SRGAP2: variants seen among roughly 807,000 people sequenced by gnomAD.
SRGAP2 encodes SLIT-ROBO Rho GTPase-activating protein 2.
In SRGAP2, 15 loss-of-function variants were observed where a neutral mutation model predicts 57.2. That is an observed-to-expected ratio of 0.26 (90% CI 0.18 to 0.40). The LOEUF is 0.40. Among genes scored for constraint, SRGAP2 ranks in the 10% least tolerant of loss-of-function variants. The pLI, the probability that SRGAP2 is intolerant of heterozygous loss-of-function variation, is 1.00. For synonymous variants in SRGAP2, 249 were observed against 248.0 expected, an observed-to-expected ratio of 1.00 and a Z score of -0.04; for missense variants, 520 against 669.6, an observed-to-expected ratio of 0.78 and a Z score of 2.47.
intron 4 of SRGAP2, among the ~76,000 whole-genome samples, chr1:206,366,334 A>C (rs1174716371): frequency 6.6e-6 from 1 of 152,252 alleles, no homozygotes; most frequent in Non-Finnish European, 1.5e-5. Context: ...CTAGAAGGAC[A>C]TCTTGATTAA....
At chr1:206,365,358 G>T (rs1236814231) in intron 4 of SRGAP2, among the ~76,000 whole-genome samples, 10 of 152,046 alleles carry the variant, frequency 6.6e-5, no homozygotes, top group Non-Finnish European at 1.0e-4. Context: ...GCCCTTGTGG[G>T]TCATGAAACA....
intron 16 of SRGAP2, among the ~76,000 whole-genome samples, chr1:206,438,726 A>G (rs1050890544): frequency 3.9e-5 from 6 of 152,206 alleles, no homozygotes; most frequent in South Asian, 2.1e-4. Context: ...AAAACAATCA[A>G]TGGAAACTTG....
chr1:206,255,321 G>A (rs1553312079), intron 2 of SRGAP2, among the ~76,000 whole-genome samples: 3 of 148,868 alleles, frequency 2.0e-5, no homozygotes, highest in Non-Finnish European at 1.5e-5. Context: ...TTGACACAGT[G>A]TGTACCTGGC....
rs1242166778 is a variant in SRGAP2 at position 206,267,008 on chromosome 1, G to A, written c.68-36273G>A. ...TTTTGAGACGGAGTCTTGCTCTGTC[G>A]CCCAGGCTGGAGTGCAGTGGCGCAA... On this transcript the variant is annotated intron_variant, in intron 2 of 22. Coordinates refer to ENST00000573034, the MANE Select transcript of SRGAP2 (RefSeq NM_015326.5). Among the ~76,000 whole-genome samples the A allele has an allele frequency of 5.3e-3, 648 of 121,498 alleles. 2 individuals are homozygous for A. Among genetic ancestry groups the A allele is most frequent in the Non-Finnish European group, 8.1e-3 (503 of 62,156 alleles). The allele number at this position is 121,498 out of a possible 152,430, so 79.7% of individuals were successfully genotyped here.
chr1:206,276,591 T>C (rs1487579610), intron 2 of SRGAP2, among the ~76,000 whole-genome samples: 233 of 151,712 alleles, frequency 1.5e-3, no homozygotes, highest in African/African-American at 5.4e-3. Context: ...GGCATATGGA[T>C]TATGACCAGA....
intron 2 of SRGAP2, among the ~76,000 whole-genome samples, chr1:206,241,642 G>A (rs1359757129): frequency 4.6e-5 from 7 of 151,886 alleles, no homozygotes; most frequent in Admixed American, 4.6e-4. Flanking sequence ...TGGTGCTTGG[G>A]TCAGTGTCTC....
chr1:206,373,901 T>C (rs2103034211), intron 4 of SRGAP2, among the ~76,000 whole-genome samples: 1 of 151,378 alleles, frequency 6.6e-6, no homozygotes, highest in South Asian at 2.1e-4. Flanking sequence ...TCTCAGTGAA[T>C]GATTAAACAA....
In SRGAP2 at chr1:206,444,684, C is replaced by T. The variant is rs79672629; in HGVS notation, c.1875-1391C>T. Among the ~76,000 whole-genome samples the T allele has an allele frequency of 7.9e-3, 1,203 of 152,282 alleles. 9 individuals are homozygous for T. Among genetic ancestry groups the T allele is most frequent in the African/African-American group, 0.027 (1,124 of 41,534 alleles). On this transcript the variant is annotated intron_variant, in intron 17 of 22. Transcript: ENST00000573034. The stretch of plus-strand genomic sequence containing the variant: ...CTGTCCCTCCCCAGTTTTAATTTGA[C>T]TAGGAAGTAGACTTAGAAACTTCCC...
chr1:206,378,686 GGA>G (rs1655438553), intron 4 of SRGAP2, among the ~76,000 whole-genome samples: 8 of 152,158 alleles, frequency 5.3e-5, no homozygotes, highest in African/African-American at 7.2e-5. Context: ...TCTAGCTAAA[GGA>G]TTGTAAAGGC....
chr1:206,404,704 C>G (rs563390307), intron 8 of SRGAP2, among the ~76,000 whole-genome samples: 2 of 152,346 alleles, frequency 1.3e-5, no homozygotes, highest in African/African-American at 4.8e-5. Flanking sequence ...AGATTCCATA[C>G]CCCCTCGGGC....
intron 5 of SRGAP2, among the ~76,000 whole-genome samples, chr1:206,384,352 G>T (rs1188542410): frequency 6.6e-6 from 1 of 151,968 alleles, no homozygotes; most frequent in Non-Finnish European, 1.5e-5. Context: ...CCAAAGTCTA[G>T]GTCATTGGCA....
chr1:206,231,538 T>C (rs1667637275), intron 2 of SRGAP2, among the ~76,000 whole-genome samples: 1 of 150,756 alleles, frequency 6.6e-6, no homozygotes, highest in South Asian at 2.1e-4. Flanking sequence ...ATTAGTTTTC[T>C]AATTTTTTTT....
chr1:206,435,305 C>T (rs547883566), intron 14 of SRGAP2, among the ~76,000 whole-genome samples: 4 of 152,314 alleles, frequency 2.6e-5, no homozygotes, highest in Admixed American at 2.0e-4. Flanking sequence ...CAAAATGTAG[C>T]ATTAGTCCAT....
At position 206,338,090 on chromosome 1, in the gene SRGAP2, G is replaced by A. The variant is rs531300304; in HGVS notation, c.261-4756G>A. On this transcript the variant is annotated intron_variant, in intron 3 of 22. Coordinates refer to ENST00000573034, the MANE Select transcript of SRGAP2 (RefSeq NM_015326.5). Reference sequence around the variant, plus strand: ...GTACAGGCAGCATGTGACTTTCCGGGTCTCCTTTCGACTCCAGAGTCATTC... The same window carrying A: ...GTACAGGCAGCATGTGACTTTCCGGATCTCCTTTCGACTCCAGAGTCATTC... 5.5e-3 allele frequency among the ~76,000 whole-genome samples: 764 copies of A among 137,798 alleles called. 6 individuals carry two copies. The highest frequency in any genetic ancestry group is 0.019 in the African/African-American group (715 of 36,860). The allele number at this position is 137,798 out of a possible 152,430, so 90.4% of individuals were successfully genotyped here.
chr1:206,319,825 G>A (rs1362988047), intron 3 of SRGAP2, among the ~76,000 whole-genome samples: 1 of 142,430 alleles, frequency 7.0e-6, no homozygotes, highest in Admixed American at 6.8e-5. Flanking sequence ...TTTGTTTTTT[G>A]CGATGGAGTC....
At chr1:206,422,726 T>C (rs1660425735) in intron 13 of SRGAP2, among the ~76,000 whole-genome samples, 1 of 152,218 alleles carries the variant, frequency 6.6e-6, no homozygotes, top group Non-Finnish European at 1.5e-5. Flanking sequence ...GTGCCCTTGG[T>C]TGGGCTCACT....
chr1:206,267,848 G>A (rs1553315002), intron 2 of SRGAP2, among the ~76,000 whole-genome samples: 1 of 150,696 alleles, frequency 6.6e-6, no homozygotes, highest in African/African-American at 2.4e-5. Context: ...TTTAGTGGAT[G>A]GGTTTTATGC....
intron 3 of SRGAP2, among the ~76,000 whole-genome samples, chr1:206,327,970 A>G (rs1356450289): frequency 1.2e-5 from 1 of 86,608 alleles, no homozygotes; most frequent in Non-Finnish European, 2.1e-5. Context: ...CCCCCACCCC[A>G]CCACAGTCCC....
At chr1:206,397,844 AC>A (rs1302805802) in intron 7 of SRGAP2, among the ~76,000 whole-genome samples, 1 of 119,318 alleles carries the variant, frequency 8.4e-6, no homozygotes, top group Middle Eastern at 3.3e-3. Context: ...CACCATGTGC[AC>A]CCAAGTCGGA....
Sources: gnomAD v4.1 joint callset for allele counts (sites outside exome capture counted in the v4.1 genomes callset) on GRCh38, gnomAD v4.1.1 for gene constraint, MANE v1.5 for transcripts, NCBI Gene and HGNC (gene_info 2026-07-23, HGNC 2026-07-21) for gene names.